The following MTF2 variants were observed in gnomAD, a reference collection of about 807,000 sequenced individuals.
MTF2 encodes metal response element binding transcription factor 2.
Under a neutral mutation model 79.5 loss-of-function variants are expected in MTF2, and 11 were observed. That is an observed-to-expected ratio of 0.14 (90% CI 0.09 to 0.23). MTF2 has a LOEUF of 0.23. MTF2 is among the 10% of genes least tolerant of loss of function. MTF2 has a pLI of 1.00. For synonymous variants in MTF2, 208 were observed against 232.8 expected, an observed-to-expected ratio of 0.89 and a Z score of 0.97; for missense variants, 486 against 711.2, an observed-to-expected ratio of 0.68 and a Z score of 3.60.
chr1:93,123,885 A>G (rs990112298), intron 9 of MTF2, among the ~76,000 whole-genome samples: 5 of 148,588 alleles, frequency 3.4e-5, no homozygotes, highest in African/African-American at 5.0e-5. Context: ...CTCCTCCATT[A>G]TCAACATCCC....
chr1:93,079,448 A>T lies in MTF2; in HGVS notation c.-79A>T. The T allele has an allele frequency of 6.3e-7, 1 of 1,593,924 alleles. No individual in the cohort carries two copies. Among genetic ancestry groups the T allele is most frequent in the Admixed American group, 1.7e-5 (1 of 59,592 alleles). On this transcript the variant is annotated 5_prime_UTR_variant, in exon 1 of 15. Coordinates refer to ENST00000370298, the MANE Select transcript of MTF2 (RefSeq NM_007358.4). ...GGGCGGGTGCCCAGTAAGTGCTCGG[A>T]CTCGCAGGGGAAGCGCCCACGGGGA...
chr1:93,106,903 AAG>A (rs1655817623), intron 1 of MTF2, among the ~76,000 whole-genome samples: 1 of 152,164 alleles, frequency 6.6e-6, no homozygotes, highest in African/African-American at 2.4e-5. Flanking sequence ...AATCTGGAGA[AAG>A]AGGATTCTTA....
At position 93,110,316 on chromosome 1, in the gene MTF2, T is replaced by A; in HGVS notation, c.92T>A (p.Leu31Gln). 1 of 1,614,176 alleles carries A rather than the reference T, an allele frequency of 6.2e-7. No homozygotes were observed. Among genetic ancestry groups the A allele is most frequent in the Non-Finnish European group, 8.5e-7 (1 of 1,180,022 alleles). ...NQKTPTSLTK[L>Q]SLQDGHKAKK... is the part of the protein sequence containing the mutation. ...AAGACCCCAACATCCTTGACCAAGCTGTCTTTACAGGATGGACATAAAGCC... is the reference window on the plus strand; with the variant it reads ...AAGACCCCAACATCCTTGACCAAGCAGTCTTTACAGGATGGACATAAAGCC... The change falls in exon 2 of 15, where the codon CTG (leucine) becomes CAG (glutamine). Residue 31 changes from leucine (L) to glutamine (Q), a missense_variant. Leu to Gln is a moderately radical substitution (Grantham distance 113). Transcript: ENST00000370298.
intron 1 of MTF2, among the ~76,000 whole-genome samples, chr1:93,085,523 G>A (rs1221180559): frequency 7.9e-6 from 1 of 126,648 alleles, no homozygotes; most frequent in Non-Finnish European, 1.6e-5. Context: ...GGGTCTCTCT[G>A]TTGCCCAGGC....
At chr1:93,117,174 G>A (rs894043799) in intron 6 of MTF2, among the ~76,000 whole-genome samples, 7 of 152,008 alleles carry the variant, frequency 4.6e-5, no homozygotes, top group Non-Finnish European at 8.8e-5. Flanking sequence ...ATTATTTTCC[G>A]ATAAAGATAA....
intron 9 of MTF2, 172 bp downstream of exon 9, chr1:93,120,844 C>A: frequency 7.5e-7 from 1 of 1,327,640 alleles, no homozygotes; most frequent in Non-Finnish European, 9.6e-7. Flanking sequence ...GCCTTCTCAT[C>A]CTCCTGTGTG....
At chr1:93,119,538 C>T (rs1191748991) in intron 8 of MTF2, 137 bp downstream of exon 8, 2 of 615,998 alleles carry the variant, frequency 3.2e-6, no homozygotes, top group Non-Finnish European at 5.6e-6. Context: ...TATTTATCCT[C>T]ATGCCTGATG....
At chr1:93,119,949 A>G (rs1656404431) in intron 8 of MTF2, 1 of 152,370 alleles carries the variant, frequency 6.6e-6, no homozygotes, top group African/African-American at 2.4e-5. Context: ...ATTTTAAGTT[A>G]TATTTTTTTA....
intron 1 of MTF2, among the ~76,000 whole-genome samples, chr1:93,088,137 C>G (rs1475597652): frequency 1.3e-5 from 2 of 152,112 alleles, no homozygotes; most frequent in Non-Finnish European, 2.9e-5. Flanking sequence ...GGTCTTAGGA[C>G]CAGAGTCTGC....
chr1:93,116,695 G>A (rs1233419732), intron 6 of MTF2, among the ~76,000 whole-genome samples: 1 of 151,886 alleles, frequency 6.6e-6, no homozygotes, highest in Non-Finnish European at 1.5e-5. Context: ...TGGAAATGGA[G>A]TCTTGCTATT....
At chr1:93,087,904 T>A (rs1196424595) in intron 1 of MTF2, among the ~76,000 whole-genome samples, 1 of 151,346 alleles carries the variant, frequency 6.6e-6, no homozygotes, top group Non-Finnish European at 1.5e-5. Flanking sequence ...CTTCCTATTC[T>A]ATGGCATTAT....
intron 1 of MTF2, among the ~76,000 whole-genome samples, chr1:93,103,466 A>T (rs958417385): frequency 6.6e-6 from 1 of 151,540 alleles, no homozygotes; most frequent in African/African-American, 2.4e-5. Flanking sequence ...TGTTCAAGAT[A>T]CATTGTTATG....
intron 1 of MTF2, 113 bp downstream of exon 1, chr1:93,079,644 G>A: frequency 2.9e-6 from 4 of 1,368,220 alleles, no homozygotes; most frequent in Non-Finnish European, 3.1e-6. Flanking sequence ...GGTGGGGGTG[G>A]GGGCTCCTGT....
At chr1:93,118,614 ATTTTATTCCAGAATGC>A (rs1304862776) in intron 7 of MTF2, among the ~76,000 whole-genome samples, 174 bp downstream of exon 7, 7 of 152,104 alleles carry the variant, frequency 4.6e-5, no homozygotes, top group African/African-American at 1.7e-4. Context: ...GTGCTTTTGG[ATTTTATTCCAGAATGC>A]TTTTAAGTAT....
chr1:93,107,692 T>C (rs144275208), intron 1 of MTF2, among the ~76,000 whole-genome samples: 1 of 117,306 alleles, frequency 8.5e-6, no homozygotes, highest in East Asian at 2.8e-4. Context: ...CTACGTTTTA[T>C]ATTGACCTTA....
Position 93,120,802 on chromosome 1 carries a change from G to A in MTF2, c.921+130G>A, listed in dbSNP as rs1656442407. 4.8e-6 allele frequency: 7 copies of A among 1,449,364 alleles called. No homozygotes were observed. The Admixed American group carries it at 2.1e-4, about 44-fold the overall frequency. 89.8% of individuals were successfully genotyped at this position (1,449,364 alleles called of 1,614,324 possible). On this transcript the variant is annotated intron_variant, in intron 9 of 14. Transcript: ENST00000370298. ...ATAGAATTTTATTTTTAGTTCTGGG[G>A]ACAAATAAGTTTGGTATGGATATCA...
Position 93,080,895 on chromosome 1 carries a change from CTGAT to C in MTF2, c.5+1365_5+1368del, listed in dbSNP as rs1160507349. On this transcript the variant is annotated intron_variant, in intron 1 of 14. Coordinates refer to ENST00000370298, the MANE Select transcript of MTF2 (RefSeq NM_007358.4). ...AATGCTTTAAAGGGAGTTGTTTTGA[CTGAT>C]GGCTTTAAGTGCCCTATAGTTTAGT... 5 of 151,986 alleles carry C rather than the reference CTGAT, an allele frequency of 3.3e-5. No homozygotes were observed. The South Asian group carries it at 6.2e-4, about 19-fold the overall frequency. 9.4% of individuals were successfully genotyped at this position (151,986 alleles called of 1,614,324 possible). A position where few individuals can be genotyped will look rare whatever the true frequency, so the allele number is the denominator to read the frequency against.
intron 1 of MTF2, among the ~76,000 whole-genome samples, chr1:93,104,980 T>A (rs1285193307): frequency 6.6e-6 from 1 of 151,796 alleles, no homozygotes; most frequent in Non-Finnish European, 1.5e-5. Context: ...CCGTCTCTAC[T>A]AAAAATACAA....
intron 1 of MTF2, among the ~76,000 whole-genome samples, chr1:93,108,708 G>A (rs1450578125): frequency 6.6e-6 from 1 of 150,746 alleles, no homozygotes; most frequent in Non-Finnish European, 1.5e-5. Flanking sequence ...GAGCTGCTTG[G>A]ATGTGTAGAT....
Sources: allele counts gnomAD v4.1 joint callset (sites outside exome capture counted in the v4.1 genomes callset), GRCh38; gene constraint gnomAD v4.1.1; transcripts MANE v1.5; gene names NCBI Gene and HGNC (gene_info 2026-07-23, HGNC 2026-07-21).